GRIA4: variants seen among roughly 807,000 people sequenced by gnomAD.
GRIA4 encodes glutamate ionotropic receptor AMPA type subunit 4.
Under a neutral mutation model 104.0 loss-of-function variants are expected in GRIA4, and 34 were observed. The observed-to-expected ratio is 0.33, with a 90% CI of 0.25 to 0.44. The LOEUF is 0.44. GRIA4 is among the 20% of genes least tolerant of loss of function. The pLI, the probability that GRIA4 is intolerant of heterozygous loss-of-function variation, is 1.00. For missense variants in GRIA4, 750 were observed against 1,096.5 expected (o/e 0.68, Z 4.46); for synonymous variants, 386 against 381.9 (o/e 1.01, Z -0.13).
chr11:105,955,181 T>C (rs1257520533), intron 14 of GRIA4, among the ~76,000 whole-genome samples: 1 of 152,158 alleles, frequency 6.6e-6, no homozygotes, highest in East Asian at 1.9e-4. Context: ...ATGGGATATA[T>C]GTGCAGAACG....
chr11:105,791,729 A>T (rs1224836403), intron 4 of GRIA4, among the ~76,000 whole-genome samples: 1 of 152,216 alleles, frequency 6.6e-6, no homozygotes, highest in East Asian at 1.9e-4. Flanking sequence ...TCATCATAAG[A>T]TAGAGAAAAA....
chr11:105,623,668 AC>A (rs1008885944), intron 3 of GRIA4, among the ~76,000 whole-genome samples: 1 of 152,040 alleles, frequency 6.6e-6, no homozygotes, highest in Admixed American at 6.6e-5. Flanking sequence ...GTTAAATGTC[AC>A]CTTCTCAGAA....
chr11:105,888,129 T>TATGTCTTG (rs903910434), intron 6 of GRIA4, among the ~76,000 whole-genome samples: 32 of 152,280 alleles, frequency 2.1e-4, no homozygotes, highest in African/African-American at 7.5e-4. Flanking sequence ...GCTCATTGAA[T>TATGTCTTG]ATGTCTTGTT....
intron 8 of GRIA4, 81 bp downstream of exon 8, chr11:105,904,062 C>G: frequency 2.1e-6 from 2 of 961,738 alleles, no homozygotes; most frequent in Non-Finnish European, 3.2e-6. Context: ...CTAATTTATC[C>G]AAGCACAAAT....
chr11:105,647,795 G>A (rs1394988472), intron 3 of GRIA4, among the ~76,000 whole-genome samples: 1 of 151,950 alleles, frequency 6.6e-6, no homozygotes, highest in Non-Finnish European at 1.5e-5. Context: ...GCCTTTTGGA[G>A]GGTGCAGTGT....
chr11:105,870,454 T>A (rs1000281764), intron 5 of GRIA4, among the ~76,000 whole-genome samples: 1 of 151,778 alleles, frequency 6.6e-6, no homozygotes, highest in Non-Finnish European at 1.5e-5. Context: ...GCATATAAGT[T>A]ACATCAATTT....
chr11:105,860,295 A>G (rs368349339), intron 4 of GRIA4, among the ~76,000 whole-genome samples: 2 of 152,202 alleles, frequency 1.3e-5, no homozygotes, highest in African/African-American at 4.8e-5. Flanking sequence ...GAACTCTGAC[A>G]TGTAGAAAAC....
intron 4 of GRIA4, among the ~76,000 whole-genome samples, chr11:105,791,757 C>T (rs1330005551): frequency 6.6e-6 from 1 of 152,036 alleles, no homozygotes; most frequent in Non-Finnish European, 1.5e-5. Context: ...CCTGAGTGTC[C>T]AAAGCACTCA....
At chr11:105,720,747 T>C (rs1357777368) in intron 3 of GRIA4, among the ~76,000 whole-genome samples, 1 of 152,152 alleles carries the variant, frequency 6.6e-6, no homozygotes, top group Non-Finnish European at 1.5e-5. Flanking sequence ...ATGGGTTGAG[T>C]AGATAAATCT....
At chr11:105,804,505 T>G (rs1265114026) in intron 4 of GRIA4, among the ~76,000 whole-genome samples, 1 of 151,870 alleles carries the variant, frequency 6.6e-6, no homozygotes, top group East Asian at 1.9e-4. Flanking sequence ...AGAGATAAAA[T>G]GAATTCTAGT....
chr11:105,977,384 T>C (rs764394449), intron 16 of GRIA4, among the ~76,000 whole-genome samples: 19 of 151,976 alleles, frequency 1.3e-4, no homozygotes, highest in Non-Finnish European at 1.5e-5. Context: ...TTGGGGACTC[T>C]TTCAAAGATT....
intron 11 of GRIA4, among the ~76,000 whole-genome samples, chr11:105,923,591 TA>T (rs750802547): frequency 2.6e-5 from 4 of 152,122 alleles, no homozygotes; most frequent in Non-Finnish European, 2.9e-5. Context: ...ATAATCACAA[TA>T]ACGTTATGAG....
intron 4 of GRIA4, among the ~76,000 whole-genome samples, chr11:105,802,266 C>T (rs1416329430): frequency 2.0e-5 from 3 of 152,074 alleles, no homozygotes; most frequent in Non-Finnish European, 2.9e-5. Context: ...AAGCAGAGCC[C>T]GCCTGACAGT....
intron 5 of GRIA4, among the ~76,000 whole-genome samples, chr11:105,881,631 A>G (rs1946063738): frequency 6.6e-6 from 1 of 152,064 alleles, no homozygotes; most frequent in African/African-American, 2.4e-5. Context: ...CCGTCCTCCA[A>G]AAAAGAGTTC....
chr11:105,906,707 T>C (rs1257921560), intron 9 of GRIA4, among the ~76,000 whole-genome samples: 2 of 152,106 alleles, frequency 1.3e-5, no homozygotes, highest in Admixed American at 6.5e-5. Flanking sequence ...TGGCAGGAGA[T>C]GGATGGCAGC....
intron 5 of GRIA4, among the ~76,000 whole-genome samples, chr11:105,876,257 G>T (rs1945816490): frequency 6.6e-6 from 1 of 152,130 alleles, no homozygotes; most frequent in Admixed American, 6.5e-5. Flanking sequence ...GTTCTAGTTT[G>T]AGTTCACTGT....
At chr11:105,821,490 G>A (rs1419232544) in intron 4 of GRIA4, among the ~76,000 whole-genome samples, 1 of 151,976 alleles carries the variant, frequency 6.6e-6, no homozygotes, top group Non-Finnish European at 1.5e-5. Context: ...TAATCACGGT[G>A]GAAGGCAAAG....
chr11:105,895,252 C>CGTTGT (rs1555040928), intron 6 of GRIA4, among the ~76,000 whole-genome samples: 4 of 148,864 alleles, frequency 2.7e-5, no homozygotes, highest in Admixed American at 1.3e-4. Context: ...CGAGCTCATG[C>CGTTGT]GTGTGTGTGT....
At chr11:105,766,067 T>C (rs955334014) in intron 4 of GRIA4, among the ~76,000 whole-genome samples, 2 of 152,206 alleles carry the variant, frequency 1.3e-5, no homozygotes, top group African/African-American at 4.8e-5. Flanking sequence ...ATGGAAACAG[T>C]ACTATAAATC....
Sources: gnomAD v4.1 joint callset for allele counts (sites outside exome capture counted in the v4.1 genomes callset) on GRCh38, gnomAD v4.1.1 for gene constraint, MANE v1.5 for transcripts, NCBI Gene and HGNC (gene_info 2026-07-23, HGNC 2026-07-21) for gene names.